IRX2: variants seen among roughly 807,000 people sequenced by gnomAD.
The protein encoded by IRX2 is iroquois-class homeodomain protein IRX-2.
In IRX2, 26 loss-of-function variants were observed where a neutral mutation model predicts 42.9. That is an observed-to-expected ratio of 0.61 (90% CI 0.44 to 0.84). The LOEUF (loss-of-function observed/expected upper bound fraction) is 0.84. Ranked by LOEUF, IRX2 falls within the 40% of genes least tolerant of loss-of-function variation. IRX2 has a pLI of 0.00. For missense variants in IRX2, 782 were observed against 713.9 expected, an observed-to-expected ratio of 1.10 and a Z score of -1.09; for synonymous variants, 424 against 353.9, an observed-to-expected ratio of 1.20 and a Z score of -2.22.
Position 2,747,523 on chromosome 5 carries a change from AC to A in IRX2, c.*40del, listed in dbSNP as rs749631006. The A allele has an allele frequency of 1.3e-6, 2 of 1,595,198 alleles. No individual in the cohort carries two copies. Among genetic ancestry groups the A allele is most frequent in the South Asian group, 1.1e-5 (1 of 90,684 alleles). On this transcript the variant is annotated 3_prime_UTR_variant, in exon 4 of 4. Coordinates refer to ENST00000302057, the MANE Select transcript of IRX2 (RefSeq NM_033267.5). ...GGAGGCTCCACAGGGTCTGGGAAGCACCAGGGTGCCCACTTACTTGCATTGC... is the reference window on the plus strand; with the variant it reads ...GGAGGCTCCACAGGGTCTGGGAAGCACAGGGTGCCCACTTACTTGCATTGC...
the IRX2 span, among the ~76,000 whole-genome samples, chr5:2,738,984 A>G: frequency 5.3e-5 from 8 of 152,000 alleles, no homozygotes; most frequent in African/African-American, 1.7e-4. Context: ...GACTCAGGCG[A>G]CCAGACGTGC....
In IRX2 at chr5:2,748,853, C is replaced by A; in HGVS notation, c.855G>T (p.Ser285=). The stretch of plus-strand genomic sequence containing the variant: ...GCGCCTCCAAGCCGGTAAGCGGCGA[C>A]GAGGTCACGGGCTTGGGCGGCGCCA... ...RGLAPPKPVT[S]SPLTGLEAPL... is the part of the protein sequence containing the mutation. The change falls in exon 3 of 4, where the codon TCG becomes TCT. Residue 285 remains serine, a synonymous_variant. Coordinates refer to ENST00000302057, the MANE Select transcript of IRX2 (RefSeq NM_033267.5). The A allele has an allele frequency of 1.3e-6, 2 of 1,581,062 alleles. No individual in the cohort carries two copies. Among genetic ancestry groups the A allele is most frequent in the Admixed American group, 1.7e-5 (1 of 58,532 alleles).
chr5:2,735,938 G>A, the IRX2 span, among the ~76,000 whole-genome samples: 1 of 152,140 alleles, frequency 6.6e-6, no homozygotes, highest in Non-Finnish European at 1.5e-5. Flanking sequence ...AGTAGAAATT[G>A]GAACTATTAA....
At chr5:2,750,031 A>G (rs1361954883) in intron 1 of IRX2, among the ~76,000 whole-genome samples, 2 of 152,114 alleles carry the variant, frequency 1.3e-5, no homozygotes, top group East Asian at 1.9e-4. Context: ...AAAATGACCC[A>G]TCTTCCCCTA....
At position 2,748,691 on chromosome 5, in the gene IRX2, G is replaced by A. The variant is rs1560949558; in HGVS notation, c.1017C>T (p.Asp339=). 1.4e-6 allele frequency: 2 copies of A among 1,398,690 alleles called. No homozygotes were observed. Among genetic ancestry groups the A allele is most frequent in the Admixed American group, 3.1e-5 (1 of 32,138 alleles). The allele number at this position is 1,398,690 out of a possible 1,614,324, so 86.6% of individuals were successfully genotyped here. Reference sequence around the variant, plus strand: ...CCGGGCCCAGGCTCGGCTGCTTGAGGTCCGACGTGGCGATCTCGGCCAGCG... The same window carrying A: ...CCGGGCCCAGGCTCGGCTGCTTGAGATCCGACGTGGCGATCTCGGCCAGCG... ...LWSLAEIATS[D]LKQPSLGPGC... Residue 339 remains aspartate (D), a synonymous_variant, in exon 3 of 4, where the codon GAC becomes GAT. Transcript: ENST00000302057.
At chr5:2,740,356 C>G in the IRX2 span, among the ~76,000 whole-genome samples, 54,704 of 151,872 alleles carry the variant, frequency 0.36, 10,092 homozygotes, top group Middle Eastern at 0.46. Context: ...GGCTCACCCC[C>G]TCTCCTGCGA....
In IRX2 at chr5:2,749,801, G is replaced by A. The variant is rs746590941; in HGVS notation, c.250-14C>T. On this transcript the variant is annotated splice_polypyrimidine_tract_variant and intron_variant, in intron 1 of 3. Transcript: ENST00000302057. ...GTAGGGTGCGCCCTGGAACCAACAA[G>A]AGCCTGTGAGTGGAGTATGCGGAGA... 3.7e-5 allele frequency: 59 copies of A among 1,585,566 alleles called. No homozygotes were observed. The highest frequency in any genetic ancestry group is 3.7e-4 in the South Asian group (32 of 87,460).
downstream of IRX2, among the ~76,000 whole-genome samples, chr5:2,743,124 C>T (rs112228354): frequency 0.014 from 2,067 of 152,246 alleles, 49 homozygotes; most frequent in African/African-American, 0.046. Context: ...CGCGGCGGCC[C>T]GGCGAGGGGG....
In IRX2 at chr5:2,748,709, G is replaced by T. The variant is rs1228543271; in HGVS notation, c.999C>A (p.Ala333=). The change falls in exon 3 of 4, where the codon GCC becomes GCA. Residue 333 remains alanine (A), a synonymous_variant. Transcript: ENST00000302057. ...PASKPKLWSL[A]EIATSDLKQP... ...GCTTGAGGTCCGACGTGGCGATCTC[G>T]GCCAGCGACCACAGCTTGGGCTTGC... The T allele has an allele frequency of 7.1e-7, 1 of 1,400,386 alleles. No homozygotes were observed. Among genetic ancestry groups the T allele is most frequent in the Middle Eastern group, 2.5e-4 (1 of 3,984 alleles). 86.7% of individuals were successfully genotyped at this position (1,400,386 alleles called of 1,614,324 possible).
In IRX2 at chr5:2,747,258, T is replaced by G. The variant is rs1028898116; in HGVS notation, c.*306A>C. On this transcript the variant is annotated 3_prime_UTR_variant, in exon 4 of 4. Transcript: ENST00000302057. ...TATATATACACATGTACTATATATA[T>G]ACATGTACTATATATATACATATAT... 5.6e-6 allele frequency: 1 copy of G among 179,580 alleles called. No individual in the cohort carries two copies. Among genetic ancestry groups the G allele is most frequent in the Non-Finnish European group, 1.2e-5 (1 of 85,576 alleles). 11.1% of individuals were successfully genotyped at this position (179,580 alleles called of 1,614,324 possible). A position where few individuals can be genotyped will look rare whatever the true frequency, so the allele number is the denominator to read the frequency against.
Position 2,748,734 on chromosome 5 carries a change from C to T in IRX2, c.974G>A (p.Ser325Asn), listed in dbSNP as rs532436474. 5.8e-6 allele frequency: 8 copies of T among 1,378,662 alleles called. No homozygotes were observed. The highest frequency in any genetic ancestry group is 7.5e-6 in the Non-Finnish European group (8 of 1,070,092). 85.4% of individuals were successfully genotyped at this position (1,378,662 alleles called of 1,614,324 possible). Residue 325 changes from serine to asparagine, a missense_variant, in exon 3 of 4, where the codon AGC (serine) becomes AAC (asparagine). By Grantham distance (46) the Ser-to-Asn change is conservative. Coordinates refer to ENST00000302057, the MANE Select transcript of IRX2 (RefSeq NM_033267.5). ...GGCCAGCGACCACAGCTTGGGCTTG[C>T]TGGCGGGGGGCGGCGCGCCCGGAGA... ...RTSPGAPPPASKPKLWSLAEI... is the reference protein window; with the variant it reads ...RTSPGAPPPANKPKLWSLAEI...
At position 2,746,603 on chromosome 5, in the gene IRX2, G is replaced by A. The variant is rs1456597477; in HGVS notation, c.*961C>T. On this transcript the variant is annotated 3_prime_UTR_variant, in exon 4 of 4. Coordinates refer to ENST00000302057, the MANE Select transcript of IRX2 (RefSeq NM_033267.5). ...ATTCACATATGTCCAACAATAGTCT[G>A]TTCCAATTGTTAGAGTCTGTGGGCT... is the stretch of plus-strand genomic sequence containing the variant. 6.6e-6 allele frequency: 1 copy of A among 152,628 alleles called. No homozygotes were observed. Among genetic ancestry groups the A allele is most frequent in the Non-Finnish European group, 1.5e-5 (1 of 68,042 alleles). 9.5% of individuals were successfully genotyped at this position (152,628 alleles called of 1,614,324 possible).
At chr5:2,749,204 C>T (rs1455544071) in intron 2 of IRX2, 152 bp from the exon 3 acceptor site, 122 of 1,455,158 alleles carry the variant, frequency 8.4e-5, no homozygotes, top group Non-Finnish European at 9.9e-5. Context: ...CTGACCTCCC[C>T]GGGAAGGGCC....
downstream of IRX2, chr5:2,746,005 C>T (rs1737652356): frequency 6.8e-6 from 1 of 147,642 alleles, no homozygotes; most frequent in Non-Finnish European, 1.5e-5. Flanking sequence ...TACTTCTCTT[C>T]CATCTGCCTT....
chr5:2,746,317 C>T lies in IRX2; in HGVS notation c.*1247G>A, dbSNP rs989695048. 1 of 152,134 alleles carries T rather than the reference C, an allele frequency of 6.6e-6. No individual in the cohort carries two copies. The highest frequency in any genetic ancestry group is 2.1e-4 in the South Asian group (1 of 4,830). 9.4% of individuals were successfully genotyped at this position (152,134 alleles called of 1,614,324 possible). On this transcript the variant is annotated 3_prime_UTR_variant, in exon 4 of 4. Transcript: ENST00000302057. ...AAAAAGTTTAGATTCCATTGCAATA[C>T]AACTTGCATAAATTACTAGAAGCTT...
rs777772505 is a variant in IRX2 at position 2,749,052 on chromosome 5, C to T, written c.656G>A (p.Gly219Glu). 3.1e-6 allele frequency: 5 copies of T among 1,595,984 alleles called. No homozygotes were observed. Among genetic ancestry groups the T allele is most frequent in the Non-Finnish European group, 4.2e-6 (5 of 1,178,818 alleles). The stretch of plus-strand genomic sequence containing the variant: ...GAGCGAGTCCACGTGCAGGCTGATC[C>T]CTGTGGGGGCGCGGGCACGGTGGGT... ...EGTETSAEDE[G>E]ISLHVDSLTD... Residue 219 changes from glycine (G) to glutamate (E), a missense_variant and splice_region_variant, in exon 3 of 4, where the codon GGG becomes GAG. Gly to Glu is a moderately conservative substitution (Grantham distance 98, BLOSUM62 -2). Transcript: ENST00000302057.
chr5:2,743,990 A>G (rs1737601806), downstream of IRX2, among the ~76,000 whole-genome samples: 1 of 152,198 alleles, frequency 6.6e-6, no homozygotes, highest in African/African-American at 2.4e-5. Flanking sequence ...ACATCAAAGA[A>G]GCTTCCTTAG....
Position 2,747,335 on chromosome 5 carries a change from C to A in IRX2, c.*229G>T. 2.5e-6 allele frequency: 1 copy of A among 401,170 alleles called. No individual in the cohort carries two copies. 24.9% of individuals were successfully genotyped at this position (401,170 alleles called of 1,614,324 possible). A position where few individuals can be genotyped will look rare whatever the true frequency, so the allele number is the denominator to read the frequency against. On this transcript the variant is annotated 3_prime_UTR_variant, in exon 4 of 4. Transcript: ENST00000302057. Reference sequence around the variant, plus strand: ...TATATATATATTTTTTTTTTCCTTCCCTAGGTAAAGGAGTGATAGAACTTG... The same window carrying A: ...TATATATATATTTTTTTTTTCCTTCACTAGGTAAAGGAGTGATAGAACTTG...
Position 2,749,009 on chromosome 5 carries a change from C to T in IRX2, c.699G>A (p.Ser233=), listed in dbSNP as rs771883170. The change falls in exon 3 of 4, where the codon TCG becomes TCA. Residue 233 remains serine, a synonymous_variant. Transcript: ENST00000302057. The stretch of plus-strand genomic sequence containing the variant: ...GAAGCTTCTCCCCGTCCGACTCGGC[C>T]GAGCACGAGTGATCCGTGAGCGAGT... The part of the protein sequence containing the change: ...HVDSLTDHSC[S]AESDGEKLPC... 11 of 1,597,324 alleles carry T rather than the reference C, an allele frequency of 6.9e-6. No individual in the cohort carries two copies. Among genetic ancestry groups the T allele is most frequent in the African/African-American group, 1.3e-5 (1 of 74,900 alleles).
Sources: gnomAD v4.1 joint callset for allele counts (sites outside exome capture counted in the v4.1 genomes callset) on GRCh38, gnomAD v4.1.1 for gene constraint, MANE v1.5 for transcripts, NCBI Gene and HGNC (gene_info 2026-07-23, HGNC 2026-07-21) for gene names.